Variants in SGMS1 observed in about 807,000 individuals in gnomAD.
SGMS1 encodes the protein phosphatidylcholine:ceramide cholinephosphotransferase 1.
SGMS1 carries 13 observed loss-of-function variants against 46.2 expected under a neutral mutation model. That is an observed-to-expected ratio of 0.28 (90% CI 0.18 to 0.45). The LOEUF (loss-of-function observed/expected upper bound fraction) is 0.45, where lower values mean the gene tolerates loss of function less well. Ranked by LOEUF, SGMS1 falls within the 20% of genes least tolerant of loss-of-function variation. The pLI, the probability that SGMS1 is intolerant of heterozygous loss-of-function variation, is 1.00. For missense variants in SGMS1, 324 were observed against 519.9 expected (o/e 0.62, Z 3.66); for synonymous variants, 203 against 187.8 (o/e 1.08, Z -0.66).
chr10:50,356,707 TTAAAAAAA>T (rs1229177895), intron 6 of SGMS1, among the ~76,000 whole-genome samples: 4 of 151,588 alleles, frequency 2.6e-5, no homozygotes, highest in Non-Finnish European at 4.4e-5. Flanking sequence ...CCTGGAACTC[TTAAAAAAA>T]TAAAAAAATA....
chr10:50,586,775 T>C (rs1013369570), intron 2 of SGMS1, among the ~76,000 whole-genome samples: 3 of 152,222 alleles, frequency 2.0e-5, no homozygotes, highest in Admixed American at 2.0e-4. Flanking sequence ...CTCCCTCATA[T>C]CACAGCAGAA....
chr10:50,311,174 A>G, intron 9 of SGMS1, 88 bp downstream of exon 9: 1 of 1,506,262 alleles, frequency 6.6e-7, no homozygotes, highest in African/African-American at 1.4e-5. Flanking sequence ...GCTTCAGCAG[A>G]TTTTCCAGAA....
chr10:50,410,146 A>C (rs994430976), intron 6 of SGMS1, among the ~76,000 whole-genome samples: 19 of 152,238 alleles, frequency 1.2e-4, no homozygotes, highest in African/African-American at 4.1e-4. Flanking sequence ...ACAGAACAGA[A>C]CACCACATTT....
At chr10:50,469,548 T>A (rs919363475) in intron 3 of SGMS1, among the ~76,000 whole-genome samples, 1 of 152,090 alleles carries the variant, frequency 6.6e-6, no homozygotes, top group African/African-American at 2.4e-5. Flanking sequence ...ACACAGCAAA[T>A]CATCTAAGGA....
intron 3 of SGMS1, among the ~76,000 whole-genome samples, chr10:50,477,189 C>T (rs530176845): frequency 2.6e-4 from 40 of 152,382 alleles, no homozygotes; most frequent in African/African-American, 9.4e-4. Context: ...CTGCCCAAAG[C>T]TTGGAAGTCC....
chr10:50,498,108 T>C (rs998132494), intron 3 of SGMS1, among the ~76,000 whole-genome samples: 1 of 152,200 alleles, frequency 6.6e-6, no homozygotes, highest in African/African-American at 2.4e-5. Context: ...TTCAAGCAAG[T>C]TGGGAGTTAG....
intron 6 of SGMS1, among the ~76,000 whole-genome samples, chr10:50,357,044 T>C (rs1848164914): frequency 6.6e-6 from 1 of 151,730 alleles, no homozygotes; most frequent in Non-Finnish European, 1.5e-5. Context: ...CTGCACATTG[T>C]ATACCTGTAC....
chr10:50,445,617 C>T (rs760334945), intron 5 of SGMS1, among the ~76,000 whole-genome samples: 6 of 152,192 alleles, frequency 3.9e-5, no homozygotes, highest in Non-Finnish European at 4.4e-5. Context: ...TGATTTCCTA[C>T]GCCTGTCTTT....
At chr10:50,595,350 G>T (rs1197093516) in intron 1 of SGMS1, among the ~76,000 whole-genome samples, 1 of 152,012 alleles carries the variant, frequency 6.6e-6, no homozygotes, top group East Asian at 1.9e-4. Context: ...TAACGTTTTT[G>T]TGCTTTTAGT....
intron 5 of SGMS1, among the ~76,000 whole-genome samples, chr10:50,439,769 G>A (rs1465410894): frequency 6.6e-6 from 1 of 152,186 alleles, no homozygotes; most frequent in African/African-American, 2.4e-5. Context: ...AAAATAGGCT[G>A]TCTTTTCTTC....
At chr10:50,477,611 A>C (rs1053628668) in intron 3 of SGMS1, among the ~76,000 whole-genome samples, 1 of 152,108 alleles carries the variant, frequency 6.6e-6, no homozygotes, top group African/African-American at 2.4e-5. Flanking sequence ...TCCCCACCCA[A>C]ATCTCATGCT....
At position 50,560,709 on chromosome 10, in the gene SGMS1, T is replaced by C. The variant is rs949821137; in HGVS notation, c.-589+29444A>G. ...TGTTACATATATACATCTGTGTATA[T>C]ACGTGTAGGAAAAATTTATTTTTCC... is the stretch of plus-strand genomic sequence containing the variant. On this transcript the variant is annotated intron_variant, in intron 2 of 10. Transcript: ENST00000361781. Among the ~76,000 whole-genome samples, 8 of 150,506 alleles carry C rather than the reference T, an allele frequency of 5.3e-5. No individual in the cohort carries two copies. In the East Asian group the frequency reaches 1.4e-3, roughly 26 times the overall value.
rs777317236 is a variant in SGMS1, at chr10:50,462,076, A to ATTTG, written c.-454-1263_-454-1262insCAAA. 2.3e-3 allele frequency among the ~76,000 whole-genome samples: 348 copies of ATTTG among 152,250 alleles called. 2 individuals carry two copies. The highest frequency in any genetic ancestry group is 5.4e-3 in the South Asian group (26 of 4,820). On this transcript the variant is annotated intron_variant, in intron 4 of 10. Coordinates refer to ENST00000361781, the MANE Select transcript of SGMS1 (RefSeq NM_147156.4). ...TATAATTGCAGCACTAGCCTAGGCAACAAAACGAGACCTCATATCTACAAA... is the reference window on the plus strand; with the variant it reads ...TATAATTGCAGCACTAGCCTAGGCAATTTGCAAAACGAGACCTCATATCTACAAA...
At chr10:50,452,048 T>C (rs913925465) in intron 5 of SGMS1, among the ~76,000 whole-genome samples, 40 of 152,286 alleles carry the variant, frequency 2.6e-4, no homozygotes, top group African/African-American at 9.6e-4. Flanking sequence ...AAATAATATT[T>C]CCTTATTATT....
Position 50,589,540 on chromosome 10 carries a change from G to A in SGMS1, c.-589+613C>T, listed in dbSNP as rs191617272. ...GCTGCAGTGCAGTAGCTCCATCACG[G>A]CTCACTACAGCCTCGACTTTGTGGG... On this transcript the variant is annotated intron_variant, in intron 2 of 10. Coordinates refer to ENST00000361781, the MANE Select transcript of SGMS1 (RefSeq NM_147156.4). Among the ~76,000 whole-genome samples the A allele has an allele frequency of 3.7e-3, 558 of 152,240 alleles. 3 individuals carry two copies. The highest frequency in any genetic ancestry group is 0.013 in the African/African-American group (537 of 41,514).
chr10:50,407,085 C>G (rs1161704830), intron 6 of SGMS1, among the ~76,000 whole-genome samples: 1 of 152,082 alleles, frequency 6.6e-6, no homozygotes, highest in African/African-American at 2.4e-5. Flanking sequence ...CCAGACTGAA[C>G]TGATGATATA....
chr10:50,384,283 A>G (rs1169178840), intron 6 of SGMS1, among the ~76,000 whole-genome samples: 1 of 152,192 alleles, frequency 6.6e-6, no homozygotes, highest in African/African-American at 2.4e-5. Context: ...GTTATCTAAC[A>G]TTTGAGCCTT....
Position 50,424,646 on chromosome 10 carries a change from C to T in SGMS1, c.-232+8830G>A, listed in dbSNP as rs568819788. ...AATGGGAGAAAATATTTGCAAACTACGCATCTCACAAAGTTCTAACATTCA... is the reference window on the plus strand; with the variant it reads ...AATGGGAGAAAATATTTGCAAACTATGCATCTCACAAAGTTCTAACATTCA... On this transcript the variant is annotated intron_variant, in intron 6 of 10. Coordinates refer to ENST00000361781, the MANE Select transcript of SGMS1 (RefSeq NM_147156.4). 3.9e-5 allele frequency among the ~76,000 whole-genome samples: 6 copies of T among 152,168 alleles called. No homozygotes were observed. The East Asian group carries it at 5.8e-4, about 15-fold the overall frequency.
intron 5 of SGMS1, among the ~76,000 whole-genome samples, chr10:50,439,239 C>T: frequency 6.6e-6 from 1 of 152,174 alleles, no homozygotes. Context: ...GCACCTGTAG[C>T]TTTGACAAAT....
Sources: gnomAD v4.1 joint callset for allele counts (sites outside exome capture counted in the v4.1 genomes callset) on GRCh38, gnomAD v4.1.1 for gene constraint, MANE v1.5 for transcripts, NCBI Gene and HGNC (gene_info 2026-07-23, HGNC 2026-07-21) for gene names.